Variants in FGF12 observed in about 807,000 individuals in gnomAD.
The protein encoded by FGF12 is fibroblast growth factor 12B.
A neutral mutation model predicts 23.6 loss-of-function variants in FGF12; 14 were observed. The observed-to-expected ratio is 0.59, with a 90% confidence interval of 0.39 to 0.93. The LOEUF is 0.93. FGF12 is among the 40% of genes least tolerant of loss of function. The pLI, the probability that FGF12 is intolerant of heterozygous loss-of-function variation, is 0.00. For synonymous variants in FGF12, 62 were observed against 77.3 expected, an observed-to-expected ratio of 0.80 and a Z score of 1.04; for missense variants, 175 against 217.8, an observed-to-expected ratio of 0.80 and a Z score of 1.24.
chr3:192,535,707 A>G (rs1725207210), intron 2 of FGF12, among the ~76,000 whole-genome samples: 1 of 152,166 alleles, frequency 6.6e-6, no homozygotes. Flanking sequence ...TTTGCATACA[A>G]CTTGCTGGTG....
intron 2 of FGF12, among the ~76,000 whole-genome samples, chr3:192,492,601 A>G (rs1716370492): frequency 6.6e-6 from 1 of 152,190 alleles, no homozygotes; most frequent in Admixed American, 6.6e-5. Context: ...ATATTAAAGT[A>G]ATTATTTTTA....
intron 2 of FGF12, among the ~76,000 whole-genome samples, chr3:192,608,271 T>C (rs1053183103): frequency 3.9e-5 from 6 of 152,134 alleles, no homozygotes; most frequent in Admixed American, 2.6e-4. Context: ...AATAATTTAT[T>C]GAACATGTAA....
At chr3:192,459,836 T>C (rs1722799655) in intron 2 of FGF12, among the ~76,000 whole-genome samples, 1 of 138,268 alleles carries the variant, frequency 7.2e-6, no homozygotes, top group Non-Finnish European at 1.6e-5. Flanking sequence ...GCATGTATGT[T>C]TAGTGTGTGT....
intron 2 of FGF12, among the ~76,000 whole-genome samples, chr3:192,413,621 G>T (rs1324897916): frequency 6.6e-6 from 1 of 152,144 alleles, no homozygotes; most frequent in Non-Finnish European, 1.5e-5. Flanking sequence ...TTCACTCTTG[G>T]AATGTATTTA....
intron 2 of FGF12, among the ~76,000 whole-genome samples, chr3:192,443,893 A>G (rs1362579964): frequency 1.3e-5 from 2 of 152,204 alleles, no homozygotes; most frequent in Admixed American, 6.5e-5. Flanking sequence ...GGTAGCAACA[A>G]GAGAGCTCAA....
chr3:192,241,515 T>C (rs1453022699), intron 4 of FGF12, among the ~76,000 whole-genome samples: 1 of 152,150 alleles, frequency 6.6e-6, no homozygotes, highest in Non-Finnish European at 1.5e-5. Flanking sequence ...TCACTGATTA[T>C]AGTGGAGAAT....
intron 2 of FGF12, among the ~76,000 whole-genome samples, chr3:192,632,794 C>T (rs1577089416): frequency 1.3e-5 from 2 of 152,040 alleles, no homozygotes; most frequent in East Asian, 3.9e-4. Flanking sequence ...CAAAGGGGCA[C>T]CTTAAAACAA....
chr3:192,655,143 C>CT (rs151141310), intron 2 of FGF12, among the ~76,000 whole-genome samples: 1,705 of 152,242 alleles, frequency 0.011, 34 homozygotes, highest in African/African-American at 0.04. Context: ...GACATAAATT[C>CT]CACTCAAAAT....
chr3:192,488,052 G>A lies in FGF12; in HGVS notation c.14-127514C>T, dbSNP rs150662501. Among the ~76,000 whole-genome samples, 468 of 152,176 alleles carry A rather than the reference G, an allele frequency of 3.1e-3. 5 individuals are homozygous for A. The highest frequency in any genetic ancestry group is 0.011 in the African/African-American group (453 of 41,532). On this transcript the variant is annotated intron_variant, in intron 2 of 5. Transcript: ENST00000445105. Reference sequence around the variant, plus strand: ...TGACAAGATCTCTAAAATAACAGAAGCATCGTCTATATCACTTTCTTCTCC... The same window carrying A: ...TGACAAGATCTCTAAAATAACAGAAACATCGTCTATATCACTTTCTTCTCC...
rs533664767 is a variant in FGF12 at position 192,351,860 on chromosome 3, G to C, written c.124+8568C>G. On this transcript the variant is annotated intron_variant, in intron 3 of 5. Transcript: ENST00000445105. ...CAGTTGAGACAAGATGGCTAAAGAA[G>C]ACCTCACATGGACAAAAGAAACAAG... Among the ~76,000 whole-genome samples, 21 of 152,134 alleles carry C rather than the reference G, an allele frequency of 1.4e-4. 1 individual carries two copies. Among genetic ancestry groups the C allele is most frequent in the Non-Finnish European group, 2.6e-4 (18 of 68,012 alleles).
rs1234781428 is a variant in FGF12, at chr3:192,664,600, AAATAC to A, written c.13+62576_13+62580del. On this transcript the variant is annotated intron_variant, in intron 2 of 5. Transcript: ENST00000445105. Reference sequence around the variant, plus strand: ...CCTGTCTCTACTAAAAATACAAAAAAAATACAAAAAAAAAAAAAAGCTGGGCATGG... The same window carrying A: ...CCTGTCTCTACTAAAAATACAAAAAAAAAAAAAAAAAAAAGCTGGGCATGG... Among the ~76,000 whole-genome samples, 9 of 140,838 alleles carry A rather than the reference AAATAC, an allele frequency of 6.4e-5. 2 individuals carry two copies. Among genetic ancestry groups the A allele is most frequent in the Admixed American group, 2.1e-4 (3 of 14,352 alleles). 92.4% of individuals were successfully genotyped at this position (140,838 alleles called of 152,430 possible). A position where few individuals can be genotyped will look rare whatever the true frequency, so the allele number is the denominator to read the frequency against.
chr3:192,598,614 C>T (rs944741617), intron 2 of FGF12, among the ~76,000 whole-genome samples: 1 of 152,142 alleles, frequency 6.6e-6, no homozygotes, highest in African/African-American at 2.4e-5. Context: ...TGTTTAAATG[C>T]AGGTTCTGCA....
intron 4 of FGF12, among the ~76,000 whole-genome samples, chr3:192,300,950 G>A (rs561380555): frequency 2.0e-5 from 3 of 152,078 alleles, no homozygotes; most frequent in East Asian, 1.9e-4. Context: ...TCCGGGAGTC[G>A]AGATCACCCC....
At chr3:192,183,389 A>G (rs1034667720) in intron 4 of FGF12, among the ~76,000 whole-genome samples, 1 of 152,190 alleles carries the variant, frequency 6.6e-6, no homozygotes, top group Non-Finnish European at 1.5e-5. Flanking sequence ...AATCTGCTAG[A>G]TAAACAGTTC....
chr3:192,287,485 G>A (rs1355530427), intron 4 of FGF12, among the ~76,000 whole-genome samples: 1 of 152,024 alleles, frequency 6.6e-6, no homozygotes, highest in Admixed American at 6.6e-5. Context: ...CTGGTCTGTT[G>A]CATCAAAGCA....
chr3:192,486,409 T>C (rs564185081), intron 2 of FGF12, among the ~76,000 whole-genome samples: 4 of 152,160 alleles, frequency 2.6e-5, no homozygotes, highest in African/African-American at 7.2e-5. Flanking sequence ...TGGGAGCCTC[T>C]TGGAGAGCAT....
chr3:192,203,552 C>T (rs1386010720), intron 4 of FGF12, among the ~76,000 whole-genome samples: 1 of 149,178 alleles, frequency 6.7e-6, no homozygotes, highest in Non-Finnish European at 1.5e-5. Context: ...CAAGCTTACA[C>T]TCTTTTTTCT....
intron 2 of FGF12, among the ~76,000 whole-genome samples, chr3:192,660,803 G>A (rs1716637589): frequency 6.7e-6 from 1 of 149,886 alleles, no homozygotes; most frequent in African/African-American, 2.5e-5. Flanking sequence ...GAAATTATTG[G>A]GGAATAAGGG....
intron 2 of FGF12, among the ~76,000 whole-genome samples, chr3:192,665,702 C>CCATGGCACATGTATACAAACCA (rs1426583031): frequency 6.6e-6 from 1 of 152,056 alleles, no homozygotes; most frequent in African/African-American, 2.4e-5. Context: ...CAGCAAACAA[C>CCATGGCACATGTATACAAACCA]CATGGCACAT....
Sources: allele counts gnomAD v4.1 joint callset (sites outside exome capture counted in the v4.1 genomes callset), GRCh38; gene constraint gnomAD v4.1.1; transcripts MANE v1.5; gene names NCBI Gene and HGNC (gene_info 2026-07-23, HGNC 2026-07-21).